KAZN: variants seen among roughly 807,000 people sequenced by gnomAD.
KAZN encodes kazrin.
In KAZN, 40 loss-of-function variants were observed where a neutral mutation model predicts 87.4. The observed-to-expected ratio is 0.46, with a 90% CI of 0.36 to 0.60. The LOEUF (loss-of-function observed/expected upper bound fraction) is 0.60, where lower values mean the gene tolerates loss of function less well. Ranked by LOEUF, KAZN falls within the 20% of genes least tolerant of loss-of-function variation. KAZN has a pLI of 0.00. For missense variants in KAZN, 898 were observed against 1,073.9 expected (o/e 0.84, Z 2.29); for synonymous variants, 466 against 458.3 (o/e 1.02, Z -0.22).
In KAZN at chr1:14,735,133, C is replaced by T. The variant is rs1643862514; in HGVS notation, c.226+135910C>T. Among the ~76,000 whole-genome samples, 1 of 152,174 alleles carries T rather than the reference C, an allele frequency of 6.6e-6. No homozygotes were observed. Among genetic ancestry groups the T allele is most frequent in the African/African-American group, 2.4e-5 (1 of 41,432 alleles). On this transcript the variant is annotated intron_variant, in intron 1 of 14. Transcript: ENST00000376030. The surrounding 1 kb of genome is among the most constrained non-coding windows in gnomAD (Gnocchi z 4.3). Reference sequence around the variant, plus strand: ...GGACTGTAGTGGCGCTATCTCGGCTCACTGCGAGCTCCGCCTCCCGGGTTC... The same window carrying T: ...GGACTGTAGTGGCGCTATCTCGGCTTACTGCGAGCTCCGCCTCCCGGGTTC...
chr1:15,033,666 A>G (rs1172758595), intron 2 of KAZN, among the ~76,000 whole-genome samples: 2 of 152,170 alleles, frequency 1.3e-5, no homozygotes, highest in South Asian at 2.1e-4. Context: ...CCCGATGACA[A>G]TTGATACCGA....
chr1:14,636,829 C>T (rs144256103), intron 1 of KAZN, among the ~76,000 whole-genome samples: 11 of 152,264 alleles, frequency 7.2e-5, no homozygotes, highest in African/African-American at 2.6e-4. Flanking sequence ...ATACCATCCT[C>T]CTTAGGAGGG....
intron 2 of KAZN, among the ~76,000 whole-genome samples, chr1:14,347,486 G>A (rs1391216090): frequency 1.3e-5 from 2 of 152,098 alleles, no homozygotes; most frequent in African/African-American, 2.4e-5. Context: ...GCCTCCCCAA[G>A]GCTGGATTGT....
chr1:14,288,317 T>A (rs1653418763), intron 2 of KAZN, among the ~76,000 whole-genome samples: 1 of 152,342 alleles, frequency 6.6e-6, no homozygotes, highest in East Asian at 1.9e-4. Flanking sequence ...CCTGGACTTT[T>A]TTTGGTTGGT....
intron 2 of KAZN, among the ~76,000 whole-genome samples, chr1:14,386,357 TG>T (rs756558928): frequency 4.0e-5 from 6 of 150,362 alleles, no homozygotes; most frequent in Non-Finnish European, 8.9e-5. Flanking sequence ...CCTGTCATGA[TG>T]ATGTTAGCTG....
intron 1 of KAZN, among the ~76,000 whole-genome samples, chr1:14,147,387 T>A (rs1327055477): frequency 1.3e-5 from 2 of 152,212 alleles, no homozygotes; most frequent in East Asian, 1.9e-4. Context: ...TAGCTTGGGT[T>A]AAGTGTTTTA....
intron 1 of KAZN, among the ~76,000 whole-genome samples, chr1:14,608,544 A>T (rs1339195297): frequency 6.6e-6 from 1 of 152,214 alleles, no homozygotes; most frequent in African/African-American, 2.4e-5. Flanking sequence ...ATTAAAAAGT[A>T]CAACTGTTTG....
At chr1:14,066,611 C>T (rs1043116122) in intron 1 of KAZN, among the ~76,000 whole-genome samples, 6 of 152,162 alleles carry the variant, frequency 3.9e-5, no homozygotes, top group Admixed American at 2.0e-4. Flanking sequence ...TATAAGGGAT[C>T]ACAGCTGTGG....
intron 2 of KAZN, among the ~76,000 whole-genome samples, chr1:14,239,455 CTTTTTTTTTTT>C (rs386366265): frequency 3.1e-5 from 3 of 95,708 alleles, no homozygotes; most frequent in East Asian, 3.4e-4. Context: ...AGTTGGGTTT[CTTTTTTTTTTT>C]TTTTTTTTTT....
intron 2 of KAZN, among the ~76,000 whole-genome samples, chr1:14,238,606 G>A (rs540505480): frequency 6.6e-6 from 1 of 152,352 alleles, no homozygotes; most frequent in South Asian, 2.1e-4. Context: ...GCTCCTCTTG[G>A]CCATCCGGGC....
chr1:14,561,472 CT>C (rs952295531), intron 2 of KAZN, among the ~76,000 whole-genome samples: 1 of 152,200 alleles, frequency 6.6e-6, no homozygotes, highest in African/African-American at 2.4e-5. Context: ...GTTCTTACCC[CT>C]GGGCCAATCA....
At chr1:15,049,819 G>T (rs535900869) in intron 4 of KAZN, among the ~76,000 whole-genome samples, 23 of 152,148 alleles carry the variant, frequency 1.5e-4, no homozygotes, top group Non-Finnish European at 2.9e-4. Flanking sequence ...GAGGTCAGGA[G>T]TTCAAGACTA....
chr1:14,644,469 C>CTCCT (rs1031239230), intron 1 of KAZN, among the ~76,000 whole-genome samples: 5 of 151,712 alleles, frequency 3.3e-5, no homozygotes, highest in African/African-American at 4.8e-5. Flanking sequence ...TCACGCCATG[C>CTCCT]TCCTGCCTCA....
intron 1 of KAZN, among the ~76,000 whole-genome samples, chr1:14,697,594 C>T (rs905691264): frequency 2.6e-5 from 4 of 152,224 alleles, no homozygotes; most frequent in African/African-American, 9.6e-5. Flanking sequence ...CAGTGGGCAG[C>T]AGCTCACCAT....
Position 13,988,529 on chromosome 1 carries a change from G to A in KAZN, c.91+94773G>A, listed in dbSNP as rs115572309. 8.8e-3 allele frequency among the ~76,000 whole-genome samples: 1,333 copies of A among 152,172 alleles called. 15 individuals carry two copies. The highest frequency in any genetic ancestry group is 0.031 in the African/African-American group (1,269 of 41,522). On this transcript the variant is annotated intron_variant, in intron 1 of 16. Coordinates refer to the KAZN transcript ENST00000636203. ...CTGGCAGTTAACAAGAAAAGACAGC[G>A]CATGGGGTGTCATCTAGGAGATTTC...
At chr1:15,109,428 G>A (rs1201524942) in intron 13 of KAZN, among the ~76,000 whole-genome samples, 5 of 152,176 alleles carry the variant, frequency 3.3e-5, no homozygotes, top group Non-Finnish European at 7.3e-5. Flanking sequence ...AGGAAACTGA[G>A]GCCCAGTAAG....
chr1:14,037,095 A>C (rs1383934886), intron 1 of KAZN, among the ~76,000 whole-genome samples: 10 of 152,178 alleles, frequency 6.6e-5, no homozygotes, highest in African/African-American at 2.4e-4. Context: ...ATTTATATAC[A>C]CACATTTTCT....
chr1:14,872,552 A>C lies in KAZN; in HGVS notation c.227-88132A>C, dbSNP rs12731581. Among the ~76,000 whole-genome samples the C allele has an allele frequency of 2.0e-5, 3 of 152,008 alleles. No homozygotes were observed. In the South Asian group the frequency reaches 6.2e-4, roughly 31 times the overall value. On this transcript the variant is annotated intron_variant, in intron 1 of 14. Coordinates refer to ENST00000376030, the MANE Select transcript of KAZN (RefSeq NM_201628.3). Reference sequence around the variant, plus strand: ...TTGCATCCCTTAATTGAAAGCTCCAATGATGAAGCCAGGTACTGTGTGAAT... The same window carrying C: ...TTGCATCCCTTAATTGAAAGCTCCACTGATGAAGCCAGGTACTGTGTGAAT...
intron 1 of KAZN, among the ~76,000 whole-genome samples, chr1:13,978,095 T>A (rs969499329): frequency 4.3e-4 from 51 of 117,572 alleles, no homozygotes; most frequent in African/African-American, 1.6e-3. Context: ...GCCACTGCAC[T>A]CCAGCCCGGG....
Sources: gnomAD v4.1 joint callset for allele counts (sites outside exome capture counted in the v4.1 genomes callset) on GRCh38, gnomAD v4.1.1 for gene constraint, Gnocchi (gnomAD v3.1) non-coding constraint, MANE v1.5 for transcripts, NCBI Gene and HGNC (gene_info 2026-07-23, HGNC 2026-07-21) for gene names.